Variants in KIAA1549L observed in about 807,000 individuals in gnomAD.
The protein encoded by KIAA1549L is KIAA1549 like, also known as UPF0606 protein KIAA1549L.
Under a neutral mutation model 160.7 loss-of-function variants are expected in KIAA1549L, and 88 were observed. The ratio of observed to expected loss-of-function variants is 0.55; its 90% CI spans 0.46 to 0.65. The LOEUF (loss-of-function observed/expected upper bound fraction) is 0.65, where lower values mean the gene tolerates loss of function less well. Among genes scored for constraint, KIAA1549L ranks in the 30% least tolerant of loss-of-function variants. The pLI is 0.00. For missense variants in KIAA1549L, 2,258 were observed against 2,437.5 expected (o/e 0.93, Z 1.55); for synonymous variants, 950 against 976.7 (o/e 0.97, Z 0.51).
At chr11:33,445,195 C>T (rs1023436795) in intron 1 of KIAA1549L, among the ~76,000 whole-genome samples, 2 of 152,112 alleles carry the variant, frequency 1.3e-5, no homozygotes, top group African/African-American at 4.8e-5. Context: ...GATGAGGGCA[C>T]CATTCTTTGA....
intron 1 of KIAA1549L, among the ~76,000 whole-genome samples, chr11:33,483,999 G>C (rs1434453556): frequency 6.6e-6 from 1 of 152,228 alleles, no homozygotes; most frequent in Non-Finnish European, 1.5e-5. Context: ...TTCTTGGTCA[G>C]ATACTATCCA....
intron 13 of KIAA1549L, among the ~76,000 whole-genome samples, chr11:33,604,729 C>A (rs1263106965): frequency 1.3e-5 from 2 of 152,132 alleles, no homozygotes; most frequent in Non-Finnish European, 2.9e-5. Flanking sequence ...TATATTCTCA[C>A]TCATAAGTGG....
At chr11:33,469,789 A>G (rs1352663538) in intron 1 of KIAA1549L, among the ~76,000 whole-genome samples, 2 of 152,202 alleles carry the variant, frequency 1.3e-5, no homozygotes, top group Non-Finnish European at 2.9e-5. Flanking sequence ...ACATCTTTTC[A>G]TATGCGTAAT....
intron 1 of KIAA1549L, among the ~76,000 whole-genome samples, chr11:33,400,622 C>T (rs1850479982): frequency 6.6e-6 from 1 of 152,160 alleles, no homozygotes; most frequent in Non-Finnish European, 1.5e-5. Flanking sequence ...GAAATATATT[C>T]TTACCCACAG....
chr11:33,643,075 T>G lies in KIAA1549L; in HGVS notation c.5410-2611T>G, dbSNP rs78288407. Among the ~76,000 whole-genome samples, 879 of 152,224 alleles carry G rather than the reference T, an allele frequency of 5.8e-3. 26 individuals carry two copies. Among genetic ancestry groups the G allele is most frequent in the East Asian group, 0.045 (233 of 5,170 alleles). ...CTATCTGTAGCTATCGAGAGATGAT[T>G]GGTGGCCGCATCAAGCCTGTGGAGA... On this transcript the variant is annotated intron_variant, in intron 16 of 20. Transcript: ENST00000658780.
In KIAA1549L at chr11:33,542,821, C is replaced by A; in HGVS notation, c.1258C>A (p.Leu420Ile). Residue 420 changes from leucine (L) to isoleucine (I), a missense_variant, in exon 2 of 21, where the codon CTT (leucine) becomes ATT (isoleucine). Physicochemically the swap from Leu to Ile is conservative, Grantham distance 5. This residue lies in a region of KIAA1549L where 540 missense variants were observed against 465.7 expected (regional missense o/e 1.16). Transcript: ENST00000658780. ...ETATHEAEPP[L>I]FQTAESGAIE... Reference sequence around the variant, plus strand: ...AGCGACCCATGAGGCTGAGCCTCCACTTTTCCAGACTGCAGAATCAGGGGC... The same window carrying A: ...AGCGACCCATGAGGCTGAGCCTCCAATTTTCCAGACTGCAGAATCAGGGGC... 1 of 1,613,872 alleles carries A rather than the reference C, an allele frequency of 6.2e-7. No homozygotes were observed. The highest frequency in any genetic ancestry group is 8.5e-7 in the Non-Finnish European group (1 of 1,179,870).
At chr11:33,595,322 G>A (rs1850169478) in intron 12 of KIAA1549L, among the ~76,000 whole-genome samples, 1 of 152,172 alleles carries the variant, frequency 6.6e-6, no homozygotes, top group African/African-American at 2.4e-5. Flanking sequence ...TGCCTCCCGG[G>A]TTCAAGCAAT....
intron 1 of KIAA1549L, among the ~76,000 whole-genome samples, chr11:33,510,523 G>C (rs1219652132): frequency 2.6e-5 from 4 of 152,170 alleles, no homozygotes; most frequent in Non-Finnish European, 5.9e-5. Flanking sequence ...AGGACTGTTT[G>C]TCTCTGAAGT....
In KIAA1549L at chr11:33,559,859, GGCTGA is replaced by G; in HGVS notation, c.3971_3975del (p.Glu1324GlyfsTer14). ...CCAGCAGCCTCCTCAGCCAGCTCTCGGCTGAGCTGGTGGGATTCTACCTCACCTAT... is the reference window on the plus strand; with the variant it reads ...CCAGCAGCCTCCTCAGCCAGCTCTCGGCTGGTGGGATTCTACCTCACCTAT... On this transcript the variant is annotated frameshift_variant, in exon 7 of 21. Coordinates refer to ENST00000658780, the MANE Select transcript of KIAA1549L (RefSeq NM_012194.3). LOFTEE classifies it high-confidence loss of function. The G allele has an allele frequency of 6.2e-7, 1 of 1,613,960 alleles. No homozygotes were observed. The highest frequency in any genetic ancestry group is 8.5e-7 in the Non-Finnish European group (1 of 1,179,864).
intron 16 of KIAA1549L, among the ~76,000 whole-genome samples, chr11:33,621,722 C>T (rs1165064990): frequency 6.6e-6 from 1 of 151,936 alleles, no homozygotes; most frequent in African/African-American, 2.4e-5. Flanking sequence ...GTGATTTTTC[C>T]TTTATCAGCC....
chr11:33,435,794 A>ATATATATATGTGTGTGTGTGTGTG (rs1851351901), intron 1 of KIAA1549L, among the ~76,000 whole-genome samples: 2 of 32,358 alleles, frequency 6.2e-5, no homozygotes, highest in African/African-American at 2.2e-4. Context: ...ATATATATAT[A>ATATATATATGTGTGTGTGTGTGTG]TATATATATA....
At chr11:33,408,949 CAAAAAA>C (rs763850676) in intron 1 of KIAA1549L, among the ~76,000 whole-genome samples, 10 of 66,846 alleles carry the variant, frequency 1.5e-4, no homozygotes, top group South Asian at 8.3e-4. Flanking sequence ...GACTCCATCT[CAAAAAA>C]AAAAAAAAAA....
At chr11:33,482,419 G>A (rs1325867855) in intron 1 of KIAA1549L, among the ~76,000 whole-genome samples, 2 of 151,976 alleles carry the variant, frequency 1.3e-5, no homozygotes, top group East Asian at 1.9e-4. Context: ...AAACTGATAA[G>A]TATGTTTAAC....
intron 1 of KIAA1549L, among the ~76,000 whole-genome samples, chr11:33,515,367 G>A (rs986340294): frequency 1.3e-5 from 2 of 152,210 alleles, no homozygotes; most frequent in Non-Finnish European, 2.9e-5. Flanking sequence ...CCCTAGTCAA[G>A]CACCTAGTGT....
intron 1 of KIAA1549L, among the ~76,000 whole-genome samples, chr11:33,413,695 A>G (rs1471291729): frequency 6.6e-6 from 1 of 152,184 alleles, no homozygotes; most frequent in Non-Finnish European, 1.5e-5. Context: ...ATTTGTTCTT[A>G]TGAACAGAAA....
At chr11:33,488,673 A>AAC (rs1852586452) in intron 1 of KIAA1549L, among the ~76,000 whole-genome samples, 1 of 152,236 alleles carries the variant, frequency 6.6e-6, no homozygotes, top group African/African-American at 2.4e-5. Context: ...ACCAGGAAGT[A>AAC]ACAGATCAGA....
In KIAA1549L at chr11:33,618,568, A is replaced by C; in HGVS notation, c.5315A>C (p.Gln1772Pro). 6.2e-7 allele frequency: 1 copy of C among 1,610,552 alleles called. No homozygotes were observed. ...AAGAACTCTGTCTACAGAAGCCGGC[A>C]GTCTCTGAACAGCCCGAGTCCAGGG... ...QMKNSVYRSR[Q>P]SLNSPSPGET... is the part of the protein sequence containing the mutation. The change falls in exon 16 of 21, where the codon CAG becomes CCG. Residue 1772 changes from glutamine to proline, a missense_variant. Gln to Pro is a moderately conservative substitution (Grantham distance 76, BLOSUM62 -1). Coordinates refer to ENST00000658780, the MANE Select transcript of KIAA1549L (RefSeq NM_012194.3).
At chr11:33,637,269 C>T (rs1322453287) in intron 16 of KIAA1549L, among the ~76,000 whole-genome samples, 1 of 152,220 alleles carries the variant, frequency 6.6e-6, no homozygotes, top group South Asian at 2.1e-4. Context: ...CTTGTCTGTC[C>T]ATGACCACCC....
chr11:33,567,676 C>T lies in KIAA1549L; in HGVS notation c.4079-400C>T, dbSNP rs150603096. Reference sequence around the variant, plus strand: ...CAAAAATACCCGTTAGCCATACCTACAGCTGTGCTGTGTTCCCATGTGGAC... The same window carrying T: ...CAAAAATACCCGTTAGCCATACCTATAGCTGTGCTGTGTTCCCATGTGGAC... On this transcript the variant is annotated intron_variant, in intron 8 of 20. Transcript: ENST00000658780. 6.9e-3 allele frequency among the ~76,000 whole-genome samples: 1,049 copies of T among 152,340 alleles called. 8 individuals are homozygous for T. Among genetic ancestry groups the T allele is most frequent in the Non-Finnish European group, 8.4e-3 (572 of 68,036 alleles).
Sources: gnomAD v4.1 joint callset for allele counts (sites outside exome capture counted in the v4.1 genomes callset) on GRCh38, gnomAD v4.1.1 for gene constraint, gnomAD v4.1.1 regional missense constraint, MANE v1.5 for transcripts, NCBI Gene and HGNC (gene_info 2026-07-23, HGNC 2026-07-21) for gene names.